ARHGAP6: variants seen among roughly 807,000 people sequenced by gnomAD.
ARHGAP6 encodes the protein rho GTPase-activating protein 6.
ARHGAP6 carries 16 observed loss-of-function variants against 55.7 expected under a neutral mutation model. That is an observed-to-expected ratio of 0.29 (90% CI 0.19 to 0.44). The LOEUF is 0.44. Ranked by LOEUF, ARHGAP6 falls within the 20% of genes least tolerant of loss-of-function variation. The pLI is 1.00. For missense variants in ARHGAP6, 698 were observed against 808.9 expected, an observed-to-expected ratio of 0.86 and a Z score of 1.66; for synonymous variants, 382 against 360.9, an observed-to-expected ratio of 1.06 and a Z score of -0.66.
At chrX:11,366,099 C>T (rs1296747130) in intron 1 of ARHGAP6, among the ~76,000 whole-genome samples, 5 of 111,964 alleles carry the variant, frequency 4.5e-5, no homozygotes, top group Non-Finnish European at 9.4e-5. Context: ...AATCACTCCC[C>T]AAAGGCCCTA....
rs2047468402 is a variant in ARHGAP6 at position 11,254,686 on chromosome X, T to C, written c.610A>G (p.Met204Val). ...CTCAGCCGTACACTGCGGCCTGACATGCTGTTCCAGGTGAAATCACCCTGT... is the reference window on the plus strand; with the variant it reads ...CTCAGCCGTACACTGCGGCCTGACACGCTGTTCCAGGTGAAATCACCCTGT... The part of the protein sequence containing the change: ...KSEGDFTWNS[M>V]SGRSVRLRSV... Residue 204 changes from methionine (M) to valine (V), a missense_variant, in exon 2 of 13, where the codon ATG becomes GTG. Met to Val is a conservative substitution (Grantham distance 21). This residue lies in a region of ARHGAP6 where 322 missense variants were observed against 451.1 expected (regional missense o/e 0.71). Coordinates refer to ENST00000337414, the MANE Select transcript of ARHGAP6 (RefSeq NM_013427.3). The C allele has an allele frequency of 5.1e-6, 6 of 1,169,138 alleles. No individual in the cohort carries two copies. Among genetic ancestry groups the C allele is most frequent in the Non-Finnish European group, 1.1e-6 (1 of 877,685 alleles).
chrX:11,642,173 C>T (rs891827471), intron 1 of ARHGAP6, among the ~76,000 whole-genome samples: 1 of 111,421 alleles, frequency 9.0e-6, no homozygotes, highest in Non-Finnish European at 1.9e-5. Flanking sequence ...TGGAAACAAT[C>T]CACAGAATTT....
intron 1 of ARHGAP6, among the ~76,000 whole-genome samples, chrX:11,607,223 C>T (rs755328083): frequency 3.6e-5 from 4 of 112,199 alleles, no homozygotes; most frequent in African/African-American, 1.3e-4. Context: ...CTCACCTCTT[C>T]CTGCAGTCAA....
At chrX:11,382,273 T>C (rs1452326150) in intron 1 of ARHGAP6, among the ~76,000 whole-genome samples, 1 of 111,550 alleles carries the variant, frequency 9.0e-6, no homozygotes, top group Non-Finnish European at 1.9e-5. Flanking sequence ...AGAGGAAGTT[T>C]GGGCATCCTG....
chrX:11,552,621 C>T (rs2051282435), intron 1 of ARHGAP6, among the ~76,000 whole-genome samples: 1 of 87,025 alleles, frequency 1.1e-5, no homozygotes, highest in Non-Finnish European at 2.2e-5. Context: ...CACACACACA[C>T]ACAATGGCAT....
intron 1 of ARHGAP6, among the ~76,000 whole-genome samples, chrX:11,543,389 T>C (rs771465671): frequency 5.3e-5 from 6 of 112,786 alleles, no homozygotes; most frequent in South Asian, 7.3e-4. Flanking sequence ...CATTCGGCAA[T>C]GTCATGGGAC....
chrX:11,237,063 A>G (rs1397619786), intron 2 of ARHGAP6, among the ~76,000 whole-genome samples: 2 of 112,865 alleles, frequency 1.8e-5, no homozygotes, highest in East Asian at 5.6e-4. Context: ...TCATCCAGGC[A>G]ATCATGGGGA....
chrX:11,280,505 A>G (rs1299178728), intron 1 of ARHGAP6, among the ~76,000 whole-genome samples: 1 of 111,386 alleles, frequency 9.0e-6, no homozygotes, highest in Non-Finnish European at 1.9e-5. Context: ...ACACAATAGC[A>G]GCGTCTGTGT....
At chrX:11,547,895 T>C (rs895127376) in intron 1 of ARHGAP6, among the ~76,000 whole-genome samples, 2 of 111,609 alleles carry the variant, frequency 1.8e-5, no homozygotes, top group African/African-American at 6.5e-5. Flanking sequence ...AATGGAGTAA[T>C]AAATGAGTAT....
In ARHGAP6 at chrX:11,564,511, GA is replaced by G. The variant is rs755047682; in HGVS notation, c.588+99729del. The stretch of plus-strand genomic sequence containing the variant: ...CTGGTTTTATAATATATTCTTGAAG[GA>G]AAAAATATATCATTATTTGATATTT... On this transcript the variant is annotated intron_variant, in intron 1 of 12. Transcript: ENST00000337414. Among the ~76,000 whole-genome samples the G allele has an allele frequency of 9.4e-4, 103 of 109,671 alleles. No individual in the cohort carries two copies. In the South Asian group the frequency reaches 0.037, roughly 40 times the overall value.
chrX:11,661,527 T>C lies in ARHGAP6; in HGVS notation c.588+2714A>G, dbSNP rs757550936. On this transcript the variant is annotated intron_variant, in intron 1 of 12. Coordinates refer to ENST00000337414, the MANE Select transcript of ARHGAP6 (RefSeq NM_013427.3). The stretch of plus-strand genomic sequence containing the variant: ...TGAGAGTCTTGGGAGCAGGGGCTGT[T>C]GTATGGACAATTTACGTTAAAAGCA... Among the ~76,000 whole-genome samples the C allele has an allele frequency of 6.2e-5, 7 of 112,579 alleles. No individual in the cohort carries two copies. The South Asian group carries it at 2.2e-3, about 36-fold the overall frequency.
intron 1 of ARHGAP6, among the ~76,000 whole-genome samples, chrX:11,321,528 G>A (rs767976564): frequency 1.8e-5 from 2 of 111,638 alleles, no homozygotes; most frequent in South Asian, 3.8e-4. Flanking sequence ...TAAATTTGCT[G>A]GCTCTCAGAT....
At chrX:11,470,523 G>T (rs903297229) in intron 1 of ARHGAP6, among the ~76,000 whole-genome samples, 7 of 112,519 alleles carry the variant, frequency 6.2e-5, no homozygotes, top group Non-Finnish European at 1.3e-4. Flanking sequence ...TGTTATTTTA[G>T]AATTAGCTTC....
Position 11,186,446 on chromosome X carries a change from G to A in ARHGAP6, c.1078-15C>T. The A allele has an allele frequency of 8.3e-7, 1 of 1,200,128 alleles. No homozygotes were observed. The highest frequency in any genetic ancestry group is 1.1e-6 in the Non-Finnish European group (1 of 887,039). On this transcript the variant is annotated splice_polypyrimidine_tract_variant and intron_variant, in intron 4 of 12. Transcript: ENST00000337414. ...GACATGGCACCCTGCAAGTGACACA[G>A]AGCCGTGAACATAAAGTACAGATAG... is the stretch of plus-strand genomic sequence containing the variant.
chrX:11,180,168 T>C (rs1602794661), intron 6 of ARHGAP6, among the ~76,000 whole-genome samples: 1 of 111,639 alleles, frequency 9.0e-6, no homozygotes, highest in Non-Finnish European at 1.9e-5. Context: ...TTAATCATTA[T>C]ACTAGGTCTA....
At chrX:11,402,286 C>A (rs974389056) in intron 1 of ARHGAP6, among the ~76,000 whole-genome samples, 61 of 111,887 alleles carry the variant, frequency 5.5e-4, no homozygotes, top group African/African-American at 1.6e-3. Flanking sequence ...CAAATGAGAA[C>A]AATTCAAATA....
chrX:11,362,413 C>A (rs914746155), intron 1 of ARHGAP6, among the ~76,000 whole-genome samples: 4 of 109,887 alleles, frequency 3.6e-5, no homozygotes, highest in Non-Finnish European at 5.7e-5. Flanking sequence ...GAACAAAAAA[C>A]CAAACACCGC....
rs1487570138 is a variant in ARHGAP6, at chrX:11,310,207, C to T, written c.589-55500G>A. Among the ~76,000 whole-genome samples the T allele has an allele frequency of 6.1e-4, 25 of 40,665 alleles. 1 individual carries two copies. The highest frequency in any genetic ancestry group is 3.3e-3 in the African/African-American group (25 of 7,554). 35.3% of individuals were successfully genotyped at this position (40,665 alleles called of 115,157 possible). The stretch of plus-strand genomic sequence containing the variant: ...TATCACATCACGCCCACTAGGATAG[C>T]TTTAAAAAAAAAAAAAAACTGTTGG... On this transcript the variant is annotated intron_variant, in intron 1 of 12. Transcript: ENST00000337414.
At chrX:11,256,882 G>A in intron 1 of ARHGAP6, among the ~76,000 whole-genome samples, 1 of 111,983 alleles carries the variant, frequency 8.9e-6, no homozygotes, top group Non-Finnish European at 1.9e-5. Flanking sequence ...GGAGGGTGAT[G>A]CAGGAGGGGA....
Sources: gnomAD v4.1 joint callset for allele counts (sites outside exome capture counted in the v4.1 genomes callset) on GRCh38, gnomAD v4.1.1 for gene constraint, gnomAD v4.1.1 regional missense constraint, MANE v1.5 for transcripts, NCBI Gene and HGNC (gene_info 2026-07-23, HGNC 2026-07-21) for gene names.